KCNMA1: variants seen among roughly 807,000 people sequenced by gnomAD.
The protein encoded by KCNMA1 is potassium calcium-activated channel subfamily M alpha 1, also known as Calcium-activated potassium channel subunit alpha-1.
KCNMA1 carries 29 observed loss-of-function variants against 140.0 expected under a neutral mutation model. The observed-to-expected ratio is 0.21, with a 90% CI of 0.15 to 0.28. The LOEUF (loss-of-function observed/expected upper bound fraction) is 0.28. Among genes scored for constraint, KCNMA1 ranks in the 10% least tolerant of loss-of-function variants. KCNMA1 has a pLI of 1.00. For missense variants in KCNMA1, 880 were observed against 1,602.2 expected (o/e 0.55, Z 7.70); for synonymous variants, 612 against 611.9 (o/e 1.00, Z 0.00).
chr10:76,928,417 A>C (rs904413581), intron 23 of KCNMA1, among the ~76,000 whole-genome samples: 1 of 152,104 alleles, frequency 6.6e-6, no homozygotes, highest in South Asian at 2.1e-4. Flanking sequence ...ATTGGAACTC[A>C]GACCCCGCCC....
At chr10:76,964,384 G>A (rs1037579436) in intron 20 of KCNMA1, among the ~76,000 whole-genome samples, 1 of 152,118 alleles carries the variant, frequency 6.6e-6, no homozygotes, top group African/African-American at 2.4e-5. Context: ...GAACCAACAC[G>A]TTCATCAGTC....
chr10:76,870,040 C>T (rs776840274), exon 28 of KCNMA1: 7 of 152,578 alleles, frequency 4.6e-5, no homozygotes, highest in Admixed American at 1.3e-4. Context: ...GGGAATGCAA[C>T]GTTTTTAATT....
chr10:77,599,192 C>T (rs1228630333), intron 1 of KCNMA1, among the ~76,000 whole-genome samples: 2 of 152,222 alleles, frequency 1.3e-5, no homozygotes, highest in Non-Finnish European at 2.9e-5. Context: ...GCGTGGATGC[C>T]TCACTGGATA....
intron 14 of KCNMA1, among the ~76,000 whole-genome samples, chr10:77,043,169 T>C (rs2094836752): frequency 6.6e-6 from 1 of 152,146 alleles, no homozygotes; most frequent in South Asian, 2.1e-4. Flanking sequence ...GCGGATAGTC[T>C]CTACACACTA....
At chr10:77,145,645 C>T (rs1045301377) in intron 5 of KCNMA1, among the ~76,000 whole-genome samples, 1 of 152,228 alleles carries the variant, frequency 6.6e-6, no homozygotes, top group Non-Finnish European at 1.5e-5. Context: ...AAAAAGGACA[C>T]TGGAATCCAT....
At position 77,027,054 on chromosome 10, in the gene KCNMA1, CTCTT is replaced by C. The variant is rs200629192; in HGVS notation, c.1928+765_1928+768del. ...AAGCTTGAGCATTTCTCAATGAGCTCTCTTTCTTCCAAAACTATTGACAAGAACT... is the reference window on the plus strand; with the variant it reads ...AAGCTTGAGCATTTCTCAATGAGCTCTCTTCCAAAACTATTGACAAGAACT... On this transcript the variant is annotated intron_variant, in intron 16 of 27. Coordinates refer to ENST00000286628, the MANE Select transcript of KCNMA1 (RefSeq NM_001161352.2). Among the ~76,000 whole-genome samples the C allele has an allele frequency of 4.1e-3, 629 of 152,284 alleles. 6 individuals are homozygous for C. Among genetic ancestry groups the C allele is most frequent in the African/African-American group, 0.014 (584 of 41,576 alleles).
At chr10:77,130,625 G>T (rs1456961306) in intron 5 of KCNMA1, among the ~76,000 whole-genome samples, 4 of 152,036 alleles carry the variant, frequency 2.6e-5, no homozygotes. Flanking sequence ...GATCACAATG[G>T]TTTATGTCTG....
chr10:76,989,809 GA>G (rs567883554), intron 19 of KCNMA1, among the ~76,000 whole-genome samples: 30 of 146,394 alleles, frequency 2.0e-4, no homozygotes, highest in South Asian at 2.2e-4. Flanking sequence ...TCAGTCATTT[GA>G]AAAAAAAAAA....
intron 25 of KCNMA1, among the ~76,000 whole-genome samples, chr10:76,892,837 G>A (rs1043376641): frequency 2.0e-5 from 3 of 152,174 alleles, no homozygotes; most frequent in African/African-American, 4.8e-5. Flanking sequence ...ATAATTCCAT[G>A]AGGACTTCTG....
chr10:77,230,317 T>C (rs986563157), intron 3 of KCNMA1, among the ~76,000 whole-genome samples: 2 of 152,006 alleles, frequency 1.3e-5, no homozygotes, highest in Non-Finnish European at 2.9e-5. Context: ...CTCTGATGAG[T>C]ATGGGGTTTC....
chr10:77,117,387 A>G (rs558218830), intron 6 of KCNMA1, among the ~76,000 whole-genome samples: 19 of 152,010 alleles, frequency 1.2e-4, no homozygotes, highest in South Asian at 6.2e-4. Context: ...TGTCTCTACT[A>G]AAAATACAAA....
chr10:77,006,462 C>T (rs1336121018), intron 18 of KCNMA1, among the ~76,000 whole-genome samples: 3 of 152,162 alleles, frequency 2.0e-5, no homozygotes, highest in African/African-American at 7.2e-5. Context: ...AGAAAAAGTC[C>T]ACCAGGATTT....
At chr10:77,469,360 C>T (rs544210852) in intron 1 of KCNMA1, among the ~76,000 whole-genome samples, 2 of 152,292 alleles carry the variant, frequency 1.3e-5, no homozygotes, top group South Asian at 4.1e-4. Flanking sequence ...GAAGAGCAGA[C>T]ACCACTCTGG....
At chr10:76,888,307 G>C (rs2038185608) in intron 27 of KCNMA1, 1 of 152,172 alleles carries the variant, frequency 6.6e-6, no homozygotes, top group African/African-American at 2.4e-5. Context: ...GCTAAATTTT[G>C]AGAACCCACT....
intron 1 of KCNMA1, among the ~76,000 whole-genome samples, chr10:77,445,302 A>G (rs370601777): frequency 6.6e-5 from 10 of 151,738 alleles, no homozygotes; most frequent in Admixed American, 5.9e-4. Context: ...ACAGAAAATA[A>G]TCCTCCATCC....
chr10:77,169,660 G>A lies in KCNMA1; in HGVS notation c.808+13761C>T, dbSNP rs968666644. Among the ~76,000 whole-genome samples the A allele has an allele frequency of 3.4e-4, 52 of 152,088 alleles. 1 individual carries two copies. The highest frequency in any genetic ancestry group is 6.6e-4 in the Non-Finnish European group (45 of 68,032). ...CTCTCAAAGTGCTGGGATTACAGGA[G>A]TGAGCCACCACACTCAGCCAAGTTT... On this transcript the variant is annotated intron_variant, in intron 5 of 27. Coordinates refer to ENST00000286628, the MANE Select transcript of KCNMA1 (RefSeq NM_001161352.2).
chr10:77,334,867 A>C (rs1343725754), intron 2 of KCNMA1, among the ~76,000 whole-genome samples: 2 of 152,220 alleles, frequency 1.3e-5, no homozygotes, highest in East Asian at 1.9e-4. Context: ...ATATATTATA[A>C]TTTCAACATG....
intron 1 of KCNMA1, among the ~76,000 whole-genome samples, chr10:77,574,689 C>T (rs2154561664): frequency 6.6e-6 from 1 of 152,286 alleles, no homozygotes; most frequent in African/African-American, 2.4e-5. Context: ...CATCACAGAC[C>T]TCTGAAGAGC....
At chr10:77,405,197 C>T (rs1472486060) in intron 1 of KCNMA1, among the ~76,000 whole-genome samples, 1 of 152,198 alleles carries the variant, frequency 6.6e-6, no homozygotes, top group Non-Finnish European at 1.5e-5. Flanking sequence ...AGTCTTTGCT[C>T]AAATATCTCC....
Sources: gnomAD v4.1 joint callset for allele counts (sites outside exome capture counted in the v4.1 genomes callset) on GRCh38, gnomAD v4.1.1 for gene constraint, MANE v1.5 for transcripts, NCBI Gene and HGNC (gene_info 2026-07-23, HGNC 2026-07-21) for gene names.